Variants in DPP6 observed in about 807,000 individuals in gnomAD.
DPP6 encodes the protein A-type potassium channel modulatory protein DPP6.
Under a neutral mutation model 122.6 loss-of-function variants are expected in DPP6, and 69 were observed. That is an observed-to-expected ratio of 0.56 (90% CI 0.46 to 0.69). DPP6 has a LOEUF of 0.69. Among genes scored for constraint, DPP6 ranks in the 30% least tolerant of loss-of-function variants. DPP6 has a pLI of 0.00. For missense variants in DPP6, 928 were observed against 1,116.9 expected, an observed-to-expected ratio of 0.83 and a Z score of 2.41; for synonymous variants, 418 against 433.1, an observed-to-expected ratio of 0.97 and a Z score of 0.43.
chr7:154,652,731 T>G (rs1275793236), intron 6 of DPP6, among the ~76,000 whole-genome samples: 1 of 152,142 alleles, frequency 6.6e-6, no homozygotes, highest in African/African-American at 2.4e-5. Context: ...CAGACGCCAC[T>G]AGATTCTCAG....
chr7:154,783,617 G>A (rs979454339), intron 10 of DPP6, among the ~76,000 whole-genome samples: 2 of 152,154 alleles, frequency 1.3e-5, no homozygotes, highest in Admixed American at 6.5e-5. Flanking sequence ...TGTTGACGTT[G>A]AGTGTTCTGG....
chr7:153,813,501 T>C, the DPP6 span, among the ~76,000 whole-genome samples: 10 of 152,184 alleles, frequency 6.6e-5, no homozygotes, highest in African/African-American at 1.7e-4. Context: ...TGCATGTGTC[T>C]TTATAGCAGC....
At chr7:153,808,260 T>C in the DPP6 span, among the ~76,000 whole-genome samples, 5 of 151,054 alleles carry the variant, frequency 3.3e-5, no homozygotes, top group Non-Finnish European at 7.4e-5. Context: ...TGCGTGCGTG[T>C]GTGCCTGTGT....
In DPP6 at chr7:154,299,188, C is replaced by T. The variant is rs922359312; in HGVS notation, c.244-147026C>T. Reference sequence around the variant, plus strand: ...GACCCTTTCCTCTGTCTTCCCAGACCCTTCCCCTCAAAGGGGTGCTGGCGT... The same window carrying T: ...GACCCTTTCCTCTGTCTTCCCAGACTCTTCCCCTCAAAGGGGTGCTGGCGT... On this transcript the variant is annotated intron_variant, in intron 1 of 25. Transcript: ENST00000377770. 2.6e-5 allele frequency among the ~76,000 whole-genome samples: 4 copies of T among 152,222 alleles called. No homozygotes were observed. In the East Asian group the frequency reaches 5.8e-4, roughly 22 times the overall value.
At chr7:154,819,430 T>G (rs1477614089) in intron 16 of DPP6, among the ~76,000 whole-genome samples, 1 of 127,704 alleles carries the variant, frequency 7.8e-6, no homozygotes, top group Admixed American at 7.7e-5. Context: ...AATAAATAAA[T>G]TAATTAATTA....
chr7:154,608,235 C>T (rs1398579007), intron 5 of DPP6, among the ~76,000 whole-genome samples: 2 of 150,660 alleles, frequency 1.3e-5, no homozygotes, highest in African/African-American at 4.8e-5. Context: ...CCCTCGGCCT[C>T]CCAAAGTGCC....
intron 1 of DPP6, among the ~76,000 whole-genome samples, chr7:154,041,883 C>T (rs868868778): frequency 3.9e-5 from 6 of 151,918 alleles, no homozygotes; most frequent in African/African-American, 1.2e-4. Flanking sequence ...CTCAGCCTCG[C>T]GAGTAGCTAG....
intron 8 of DPP6, among the ~76,000 whole-genome samples, chr7:154,735,749 C>T (rs1842542691): frequency 6.6e-6 from 1 of 152,222 alleles, no homozygotes; most frequent in South Asian, 2.1e-4. Flanking sequence ...TTCTGTGCTT[C>T]TCTGAACCTG....
chr7:154,841,872 G>A (rs187062966), intron 16 of DPP6, among the ~76,000 whole-genome samples: 3 of 152,270 alleles, frequency 2.0e-5, no homozygotes, highest in East Asian at 3.9e-4. Flanking sequence ...GGGGCACGGA[G>A]TGGAGGGGGT....
At chr7:153,998,270 A>G (rs1240260314) in intron 1 of DPP6, among the ~76,000 whole-genome samples, 1 of 152,210 alleles carries the variant, frequency 6.6e-6, no homozygotes, top group African/African-American at 2.4e-5. Flanking sequence ...TGCCAGAACT[A>G]GCTGAAAAAT....
intron 1 of DPP6, among the ~76,000 whole-genome samples, chr7:154,408,105 G>A (rs1010704509): frequency 6.6e-6 from 1 of 152,180 alleles, no homozygotes; most frequent in African/African-American, 2.4e-5. Flanking sequence ...AAATTCAAAT[G>A]TGGGAAGTAA....
intron 1 of DPP6, among the ~76,000 whole-genome samples, chr7:154,284,164 T>C (rs1161849074): frequency 6.6e-6 from 1 of 152,084 alleles, no homozygotes; most frequent in African/African-American, 2.4e-5. Context: ...GTCTTCTGGG[T>C]GAGCTCTTGG....
intron 1 of DPP6, among the ~76,000 whole-genome samples, chr7:153,911,335 G>A (rs1212012440): frequency 6.6e-6 from 1 of 152,230 alleles, no homozygotes; most frequent in Non-Finnish European, 1.5e-5. Flanking sequence ...TCAGTCACTC[G>A]CTGTCCACAC....
rs59466705 is a variant in DPP6 at position 154,163,332 on chromosome 7, G to A, written c.243+110269G>A. Among the ~76,000 whole-genome samples, 1,347 of 152,260 alleles carry A rather than the reference G, an allele frequency of 8.8e-3. 12 individuals carry two copies. The highest frequency in any genetic ancestry group is 0.052 in the South Asian group (249 of 4,822). ...CGAGCTGGACACCTGGAATCTGTGC[G>A]TTGCTCATGTTTGGGGTTTGTACTT... is the stretch of plus-strand genomic sequence containing the variant. On this transcript the variant is annotated intron_variant, in intron 1 of 25. Coordinates refer to ENST00000377770, the MANE Select transcript of DPP6 (RefSeq NM_130797.4).
In DPP6 at chr7:154,052,986, CGCGGCG is replaced by C. The variant is rs926747893; in HGVS notation, c.182_187del (p.Gly61_Gly62del). ...GGCGCAGGCGGCGGCGCCCCGGGAGCGCGGCGGCGGCGGCGGCGGCGCGGGTGGCCG... is the reference window on the plus strand; with the variant it reads ...GGCGCAGGCGGCGGCGCCCCGGGAGCGCGGCGGCGGCGGCGCGGGTGGCCG... On this transcript the variant is annotated inframe_deletion, in exon 1 of 26. Coordinates refer to ENST00000377770, the MANE Select transcript of DPP6 (RefSeq NM_130797.4). The surrounding 1 kb of genome is among the most constrained non-coding windows in gnomAD (Gnocchi z 4.8). The C allele has an allele frequency of 5.1e-4, 549 of 1,078,074 alleles. 2 individuals carry two copies. Among genetic ancestry groups the C allele is most frequent in the Admixed American group, 1.2e-3 (22 of 18,606 alleles). The allele number at this position is 1,078,074 out of a possible 1,614,324, so 66.8% of individuals were successfully genotyped here. A position where few individuals can be genotyped will look rare whatever the true frequency, so the allele number is the denominator to read the frequency against.
chr7:154,811,283 C>A (rs1190676125), intron 16 of DPP6, among the ~76,000 whole-genome samples: 1 of 152,184 alleles, frequency 6.6e-6, no homozygotes, highest in Non-Finnish European at 1.5e-5. Flanking sequence ...CTGTTTGAAC[C>A]TGGAAGCAGT....
chr7:154,379,686 A>T (rs1373803352), intron 1 of DPP6, among the ~76,000 whole-genome samples: 1 of 152,222 alleles, frequency 6.6e-6, no homozygotes, highest in African/African-American at 2.4e-5. Context: ...GTGAATGCTA[A>T]AAATTATTGT....
chr7:154,340,412 C>G (rs1585992587), intron 1 of DPP6, among the ~76,000 whole-genome samples: 1 of 152,204 alleles, frequency 6.6e-6, no homozygotes, highest in Admixed American at 6.5e-5. Context: ...TCTTTGCTTC[C>G]TCTCCATCCC....
chr7:153,998,460 T>C (rs1335123637), intron 1 of DPP6, among the ~76,000 whole-genome samples: 1 of 152,196 alleles, frequency 6.6e-6, no homozygotes, highest in African/African-American at 2.4e-5. Flanking sequence ...GACCCTTAAA[T>C]GTAGTTAATC....
Sources: gnomAD v4.1 joint callset for allele counts (sites outside exome capture counted in the v4.1 genomes callset) on GRCh38, gnomAD v4.1.1 for gene constraint, Gnocchi (gnomAD v3.1) non-coding constraint, MANE v1.5 for transcripts, NCBI Gene and HGNC (gene_info 2026-07-23, HGNC 2026-07-21) for gene names.